SHANK2: variants seen among roughly 807,000 people sequenced by gnomAD.
The protein encoded by SHANK2 is SH3 and multiple ankyrin repeat domains protein 2.
Under a neutral mutation model 133.7 loss-of-function variants are expected in SHANK2, and 43 were observed. That is an observed-to-expected ratio of 0.32 (90% CI 0.25 to 0.41). The LOEUF is 0.41. SHANK2 is among the 10% of genes least tolerant of loss of function. The pLI is 1.00. For missense variants in SHANK2, 1,994 were observed against 2,235.8 expected, an observed-to-expected ratio of 0.89 and a Z score of 2.18; for synonymous variants, 1,017 against 952.8, an observed-to-expected ratio of 1.07 and a Z score of -1.24.
At chr11:71,108,003 G>A (rs528007428) in intron 6 of SHANK2, among the ~76,000 whole-genome samples, 21 of 152,332 alleles carry the variant, frequency 1.4e-4, no homozygotes, top group Non-Finnish European at 2.1e-4. Context: ...AGCCCTCGAC[G>A]AGGCCAAGAT....
At position 70,485,538 on chromosome 11, in the gene SHANK2, C is replaced by T. The variant is rs144792130; in HGVS notation, c.4755G>A (p.Pro1585=). The part of the protein sequence containing the change: ...FVIPPPAPPP[P]PGSAQPGMAK... ...CCATCCCAGGCTGGGCACTGCCCGG[C>T]GGGGGCGGGGGAGCGGGCGGGGGGA... is the stretch of plus-strand genomic sequence containing the variant. The change falls in exon 25 of 26, where the codon CCG becomes CCA. Residue 1585 remains proline, a synonymous_variant. Coordinates refer to ENST00000601538, the MANE Select transcript of SHANK2 (RefSeq NM_012309.5). The surrounding 1 kb of genome is among the most constrained non-coding windows in gnomAD (Gnocchi z 5.8). 28 of 1,610,224 alleles carry T rather than the reference C, an allele frequency of 1.7e-5. No homozygotes were observed. The highest frequency in any genetic ancestry group is 8.8e-5 in the South Asian group (8 of 90,970).
At chr11:70,522,670 C>G (rs1554971297) in intron 17 of SHANK2, among the ~76,000 whole-genome samples, 1 of 152,130 alleles carries the variant, frequency 6.6e-6, no homozygotes, top group Non-Finnish European at 1.5e-5. Flanking sequence ...GGCCGGCCAC[C>G]TGCTCACACT....
At chr11:70,831,331 G>A (rs1948721722) in intron 11 of SHANK2, among the ~76,000 whole-genome samples, 1 of 152,172 alleles carries the variant, frequency 6.6e-6, no homozygotes, top group Non-Finnish European at 1.5e-5. Context: ...AGGAGAGGGA[G>A]GCTCTGAAGT....
intron 9 of SHANK2, among the ~76,000 whole-genome samples, chr11:71,068,217 G>C (rs1448788641): frequency 1.3e-5 from 2 of 152,182 alleles, no homozygotes; most frequent in African/African-American, 4.8e-5. Flanking sequence ...GGAAGGGGGT[G>C]ATGTACACAA....
At chr11:71,116,942 G>A (rs1555100492) in intron 4 of SHANK2, among the ~76,000 whole-genome samples, 2 of 152,182 alleles carry the variant, frequency 1.3e-5, no homozygotes, top group African/African-American at 2.4e-5. Context: ...CTGAGCCCAT[G>A]CCGGCACCAC....
At chr11:70,920,317 C>T (rs1245890803) in intron 10 of SHANK2, among the ~76,000 whole-genome samples, 1 of 152,130 alleles carries the variant, frequency 6.6e-6, no homozygotes, top group Non-Finnish European at 1.5e-5. Context: ...TGGTCTCAAA[C>T]TCTAAGCTCA....
At chr11:71,225,872 C>T (rs571822315) in intron 1 of SHANK2, among the ~76,000 whole-genome samples, 65 of 152,284 alleles carry the variant, frequency 4.3e-4, no homozygotes, top group African/African-American at 1.5e-3. Flanking sequence ...GCCTGTAATC[C>T]CGGCACTTTG....
intron 17 of SHANK2, among the ~76,000 whole-genome samples, chr11:70,616,449 G>A (rs572754881): frequency 2.0e-5 from 3 of 152,260 alleles, no homozygotes; most frequent in East Asian, 3.9e-4. Context: ...ATGTGAATTC[G>A]AGTGCTAGGA....
Position 71,119,027 on chromosome 11 carries a change from G to A in SHANK2, c.213C>T (p.Cys71=), listed in dbSNP as rs1253724993. The stretch of plus-strand genomic sequence containing the variant: ...CTGTGGCATCCGGGTTAAATCGAAT[G>A]CATTTCTGCCAGGAAGGACAAAGAC... ...VVIHDLQQTK[C]IRFNPDATVW... The change falls in exon 4 of 26, where the codon TGC becomes TGT. Residue 71 remains cysteine (C), a synonymous_variant. Coordinates refer to ENST00000601538, the MANE Select transcript of SHANK2 (RefSeq NM_012309.5). 3 of 1,551,628 alleles carry A rather than the reference G, an allele frequency of 1.9e-6. No homozygotes were observed. Among genetic ancestry groups the A allele is most frequent in the Non-Finnish European group, 1.7e-6 (2 of 1,146,930 alleles).
At chr11:70,648,310 T>A (rs2061294359) in intron 17 of SHANK2, among the ~76,000 whole-genome samples, 1 of 151,036 alleles carries the variant, frequency 6.6e-6, no homozygotes, top group Admixed American at 6.6e-5. Context: ...TTTACCACAA[T>A]AAAAAAGACA....
intron 11 of SHANK2, among the ~76,000 whole-genome samples, chr11:70,823,473 A>G (rs1233322870): frequency 7.2e-6 from 1 of 138,714 alleles, no homozygotes; most frequent in East Asian, 2.3e-4. Context: ...TGGCGTTGGC[A>G]GAGTTCACGG....
intron 10 of SHANK2, among the ~76,000 whole-genome samples, chr11:70,902,227 T>C (rs1475818747): frequency 2.0e-5 from 3 of 152,180 alleles, no homozygotes; most frequent in African/African-American, 7.2e-5. Context: ...TTCTAAATCA[T>C]CCTAATTCTC....
At chr11:70,667,831 A>ACAC (rs1944708833) in intron 15 of SHANK2, 1 of 152,162 alleles carries the variant, frequency 6.6e-6, no homozygotes, top group South Asian at 2.1e-4. Flanking sequence ...TTAACTCTGA[A>ACAC]CACCAGTGTT....
In SHANK2 at chr11:70,848,479, G is replaced by A. The variant is rs553247649; in HGVS notation, c.1175-27797C>T. The stretch of plus-strand genomic sequence containing the variant: ...GGTTCTACAGTCATGTTTGGGAAAC[G>A]CCAGATCAAACAAAGCTAAGGGGCT... On this transcript the variant is annotated intron_variant, in intron 11 of 25. Coordinates refer to ENST00000601538, the MANE Select transcript of SHANK2 (RefSeq NM_012309.5). 2.7e-4 allele frequency among the ~76,000 whole-genome samples: 41 copies of A among 152,290 alleles called. 2 individuals carry two copies. The highest frequency in any genetic ancestry group is 2.5e-3 in the Admixed American group (38 of 15,300).
intron 14 of SHANK2, among the ~76,000 whole-genome samples, chr11:70,791,490 C>T (rs1371251377): frequency 5.3e-5 from 8 of 152,206 alleles, no homozygotes; most frequent in Non-Finnish European, 1.2e-4. Context: ...CTGGGCATGC[C>T]TCTGTCTCTT....
At chr11:70,502,767 G>T in intron 18 of SHANK2, 29 bp downstream of exon 18, 1 of 985,032 alleles carries the variant, frequency 1.0e-6, no homozygotes, top group Non-Finnish European at 1.4e-6. Context: ...AGGGCCCCAG[G>T]CTGGAGCTGG....
intron 9 of SHANK2, among the ~76,000 whole-genome samples, chr11:71,072,731 A>T (rs1951159330): frequency 6.6e-6 from 1 of 152,212 alleles, no homozygotes; most frequent in Non-Finnish European, 1.5e-5. Context: ...AGGATAAAAA[A>T]TTCCGACACA....
rs1435626088 is a variant in SHANK2 at position 70,586,645 on chromosome 11, AC to A, written c.2061+73182del. Among the ~76,000 whole-genome samples, 6 of 152,312 alleles carry A rather than the reference AC, an allele frequency of 3.9e-5. No homozygotes were observed. In the East Asian group the frequency reaches 1.2e-3, roughly 29 times the overall value. On this transcript the variant is annotated intron_variant, in intron 17 of 25. Transcript: ENST00000601538. ...AGCCTCTGGCACCGTTGCTGTGGAA[AC>A]CAACTGGCAATGAGAAATTTAGCAA...
chr11:70,858,098 C>G (rs971238885), intron 11 of SHANK2, among the ~76,000 whole-genome samples: 1 of 152,166 alleles, frequency 6.6e-6, no homozygotes, highest in African/African-American at 2.4e-5. Context: ...CCCAAATGTG[C>G]CAGGAGCTAA....
Sources: allele counts gnomAD v4.1 joint callset (sites outside exome capture counted in the v4.1 genomes callset), GRCh38; gene constraint gnomAD v4.1.1; non-coding constraint Gnocchi (gnomAD v3.1); transcripts MANE v1.5; gene names NCBI Gene and HGNC (gene_info 2026-07-23, HGNC 2026-07-21).